The following EIF5 variants were observed in gnomAD, a reference collection of about 807,000 sequenced individuals.
EIF5 encodes the protein eukaryotic translation initiation factor 5.
In EIF5, 10 loss-of-function variants were observed where a neutral mutation model predicts 48.3. The ratio of observed to expected loss-of-function variants is 0.21; its 90% CI spans 0.13 to 0.35. The LOEUF (loss-of-function observed/expected upper bound fraction) is 0.35, where lower values mean the gene tolerates loss of function less well. EIF5 is among the 10% of genes least tolerant of loss of function. The probability of loss-of-function intolerance (pLI) is 1.00; values close to 1 mark genes in which losing one functional copy is unlikely to be tolerated. For missense variants in EIF5, 397 were observed against 533.2 expected (o/e 0.74, Z 2.51); for synonymous variants, 237 against 173.1 (o/e 1.37, Z -2.90).
chr14:103,338,946 CT>C (rs2089321178), intron 8 of EIF5, 53 bp downstream of exon 8: 1 of 1,586,786 alleles, frequency 6.3e-7, no homozygotes. Context: ...TTGTTTGTGC[CT>C]TTAGATATAT....
chr14:103,336,123 T>G lies in EIF5; in HGVS notation c.154+6T>G. On this transcript the variant is annotated splice_donor_region_variant and intron_variant, in intron 4 of 11. Transcript: ENST00000216554. The stretch of plus-strand genomic sequence containing the variant: ...GCTTAATCGGCCTCCAACGTGTAAG[T>G]AAAGCTTGGAAAAGTCCACAGGGCA... 1.9e-6 allele frequency: 3 copies of G among 1,613,756 alleles called. No individual in the cohort carries two copies. Among genetic ancestry groups the G allele is most frequent in the Non-Finnish European group, 2.5e-6 (3 of 1,179,772 alleles).
chr14:103,336,740 G>A lies in EIF5; in HGVS notation c.218G>A (p.Arg73His), dbSNP rs1163673595. Residue 73 changes from arginine to histidine, a missense_variant, in exon 5 of 12, where the codon CGT becomes CAT. Arg to His is a conservative substitution (Grantham distance 29, BLOSUM62 0). This residue lies in a region of EIF5 where 108 missense variants were observed against 188.3 expected (regional missense o/e 0.57). Transcript: ENST00000216554. ...ACCCAGTTTGATGTTAAGAATGACC[G>A]TTACATTGTCAATGGATCTCATGAG... ...AQTQFDVKNDRYIVNGSHEAN... is the reference protein window; with the variant it reads ...AQTQFDVKNDHYIVNGSHEAN... The A allele has an allele frequency of 2.5e-6, 4 of 1,614,078 alleles. No homozygotes were observed. Among genetic ancestry groups the A allele is most frequent in the Non-Finnish European group, 3.4e-6 (4 of 1,180,010 alleles).
At position 103,336,132 on chromosome 14, in the gene EIF5, GA is replaced by G; in HGVS notation, c.154+19del. On this transcript the variant is annotated intron_variant, in intron 4 of 11. Coordinates refer to ENST00000216554, the MANE Select transcript of EIF5 (RefSeq NM_001969.5). The stretch of plus-strand genomic sequence containing the variant: ...GCCTCCAACGTGTAAGTAAAGCTTG[GA>G]AAAGTCCACAGGGCATATTATGGAT... The G allele has an allele frequency of 1.2e-6, 2 of 1,613,244 alleles. No homozygotes were observed. Among genetic ancestry groups the G allele is most frequent in the Non-Finnish European group, 1.7e-6 (2 of 1,179,530 alleles).
rs1161579694 is a variant in EIF5, at chr14:103,340,991, C to T, written c.1235C>T (p.Pro412Leu). 11 of 1,613,922 alleles carry T rather than the reference C, an allele frequency of 6.8e-6. No individual in the cohort carries two copies. The highest frequency in any genetic ancestry group is 5.3e-5 in the African/African-American group (4 of 74,898). The change falls in exon 12 of 12, where the codon CCG becomes CTG. Residue 412 changes from proline to leucine, a missense_variant. This residue lies in a region of EIF5 where 160 missense variants were observed against 184.8 expected (regional missense o/e 0.87). Transcript: ENST00000216554. Reference sequence around the variant, plus strand: ...GTGTATTCGAAGGCTGCCAGTGTACCGAAAGTTGAGACTGTAAAGTCAGAC... The same window carrying T: ...GTGTATTCGAAGGCTGCCAGTGTACTGAAAGTTGAGACTGTAAAGTCAGAC... The part of the protein sequence containing the change: ...EVVYSKAASV[P>L]KVETVKSDNK...
At chr14:103,339,853 T>C in intron 10 of EIF5, 50 bp downstream of exon 10, 1 of 1,572,786 alleles carries the variant, frequency 6.4e-7, no homozygotes, top group Non-Finnish European at 8.6e-7. Flanking sequence ...TTGGGGGGTT[T>C]TTTTGTTTGG....
intron 10 of EIF5, 78 bp from the exon 11 acceptor site, chr14:103,340,349 C>T (rs1478547453): frequency 1.2e-5 from 18 of 1,495,528 alleles, no homozygotes; most frequent in South Asian, 1.1e-4. Flanking sequence ...GTCCCCTCAG[C>T]TCAGTAAGGG....
chr14:103,338,065 G>T, intron 6 of EIF5: 1 of 588,296 alleles, frequency 1.7e-6, no homozygotes, highest in Non-Finnish European at 3.1e-6. Flanking sequence ...CCTAGTGGAG[G>T]CATCATCACT....
rs529761503 is a variant in EIF5 at position 103,338,370 on chromosome 14, A to G, written c.483A>G (p.Lys161=). 67 of 1,614,150 alleles carry G rather than the reference A, an allele frequency of 4.2e-5. No individual in the cohort carries two copies. The East Asian group carries it at 1.1e-3, about 27-fold the overall frequency. ...SGTGKKEKEK[K]NRKGKDKENG... is the part of the protein sequence containing the mutation. ...CAGGAAAGAAAGAAAAAGAAAAGAA[A>G]AACAGAAAGGGCAAAGACAAGGAAA... is the stretch of plus-strand genomic sequence containing the variant. The change falls in exon 7 of 12, where the codon AAA becomes AAG. Residue 161 remains lysine (K), a synonymous_variant. Coordinates refer to ENST00000216554, the MANE Select transcript of EIF5 (RefSeq NM_001969.5).
Position 103,337,238 on chromosome 14 carries a change from CATG to C in EIF5, c.439+16_439+18del. On this transcript the variant is annotated intron_variant, in intron 6 of 11. Coordinates refer to ENST00000216554, the MANE Select transcript of EIF5 (RefSeq NM_001969.5). ...TCAAAAACCCACCTGGTGAGTCTTC[CATG>C]ATGAACTCCTAAGATCCTAAGATAA... 1 of 1,589,766 alleles carries C rather than the reference CATG, an allele frequency of 6.3e-7. No homozygotes were observed. Among genetic ancestry groups the C allele is most frequent in the African/African-American group, 1.3e-5 (1 of 74,086 alleles).
In EIF5 at chr14:103,341,289, A is replaced by G. The variant is rs892405295; in HGVS notation, c.*237A>G. ...TTTATAGCATGTTTCTTTTTGAAAA[A>G]CTAGTGGTGGACACATTTGGATCAC... On this transcript the variant is annotated 3_prime_UTR_variant, in exon 12 of 12. Transcript: ENST00000216554. 5.1e-5 allele frequency: 22 copies of G among 431,304 alleles called. No homozygotes were observed. In the South Asian group the frequency reaches 6.2e-4, roughly 12 times the overall value. The allele number at this position is 431,304 out of a possible 1,614,324, so 26.7% of individuals were successfully genotyped here.
intron 6 of EIF5, chr14:103,337,882 C>T (rs996790371): frequency 3.8e-6 from 2 of 521,116 alleles, no homozygotes; most frequent in African/African-American, 1.9e-5. Context: ...TCAAAACTGT[C>T]TGACACAATT....
intron 8 of EIF5, 72 bp downstream of exon 8, chr14:103,338,965 T>A (rs991008910): frequency 2.1e-5 from 32 of 1,554,994 alleles, no homozygotes; most frequent in Non-Finnish European, 2.8e-5. Flanking sequence ...TATGATACTT[T>A]AGCAGTGTAA....
chr14:103,343,466 CTAGTT>C lies in EIF5; in HGVS notation c.*2415_*2419del, dbSNP rs2089377130. On this transcript the variant is annotated 3_prime_UTR_variant, in exon 12 of 12. Coordinates refer to ENST00000216554, the MANE Select transcript of EIF5 (RefSeq NM_001969.5). ...TAACTGTGAATAATTGTATATATCT[CTAGTT>C]AAGAATGAGGGAATGGGGAGGTTTG... 1 of 152,130 alleles carries C rather than the reference CTAGTT, an allele frequency of 6.6e-6. No individual in the cohort carries two copies. Among genetic ancestry groups the C allele is most frequent in the Non-Finnish European group, 1.5e-5 (1 of 68,036 alleles). The allele number at this position is 152,130 out of a possible 1,614,324, so 9.4% of individuals were successfully genotyped here. A position where few individuals can be genotyped will look rare whatever the true frequency, so the allele number is the denominator to read the frequency against.
chr14:103,336,503 C>T (rs938782237), intron 4 of EIF5, 174 bp from the exon 5 acceptor site: 1 of 661,316 alleles, frequency 1.5e-6, no homozygotes, highest in Admixed American at 3.4e-5. Flanking sequence ...ATCGCTTGAA[C>T]CCCGGAAACG....
Position 103,337,587 on chromosome 14 carries a change from G to A in EIF5, c.439+360G>A, listed in dbSNP as rs937176927. 16 of 331,996 alleles carry A rather than the reference G, an allele frequency of 4.8e-5. No homozygotes were observed. The Admixed American group carries it at 7.0e-4, about 15-fold the overall frequency. The allele number at this position is 331,996 out of a possible 1,614,324, so 20.6% of individuals were successfully genotyped here. A position where few individuals can be genotyped will look rare whatever the true frequency, so the allele number is the denominator to read the frequency against. On this transcript the variant is annotated intron_variant, in intron 6 of 11. Coordinates refer to ENST00000216554, the MANE Select transcript of EIF5 (RefSeq NM_001969.5). ...ACTGCACTCCAGCTTGGGCAACAGC[G>A]ACTCTGTCTCAAAAAAACAATATAA...
intron 4 of EIF5, 62 bp downstream of exon 4, chr14:103,336,179 G>T (rs1390542243): frequency 8.6e-6 from 13 of 1,503,898 alleles, no homozygotes; most frequent in African/African-American, 1.4e-5. Flanking sequence ...AAGTCTTTGA[G>T]CTGCAAAACT....
intron 6 of EIF5, 79 bp downstream of exon 6, chr14:103,337,306 A>G (rs773447435): frequency 3.9e-6 from 5 of 1,271,554 alleles, no homozygotes; most frequent in Non-Finnish European, 5.5e-6. Flanking sequence ...GTTTTTTTGT[A>G]ATAGGAATGT....
chr14:103,342,336 T>C lies in EIF5; in HGVS notation c.*1284T>C, dbSNP rs1180033476. 6.6e-6 allele frequency: 1 copy of C among 152,216 alleles called. No homozygotes were observed. The highest frequency in any genetic ancestry group is 1.5e-5 in the Non-Finnish European group (1 of 68,034). The allele number at this position is 152,216 out of a possible 1,614,324, so 9.4% of individuals were successfully genotyped here. A position where few individuals can be genotyped will look rare whatever the true frequency, so the allele number is the denominator to read the frequency against. On this transcript the variant is annotated 3_prime_UTR_variant, in exon 12 of 12. Transcript: ENST00000216554. ...CAGAGCCCATGCAGGGCTTTAGATTTGGACACACAAGAGTTGATAACTTCC... is the reference window on the plus strand; with the variant it reads ...CAGAGCCCATGCAGGGCTTTAGATTCGGACACACAAGAGTTGATAACTTCC...
In EIF5 at chr14:103,336,161, A is replaced by G. The variant is rs1259725818; in HGVS notation, c.154+44A>G. On this transcript the variant is annotated intron_variant, in intron 4 of 11. Coordinates refer to ENST00000216554, the MANE Select transcript of EIF5 (RefSeq NM_001969.5). ...AGTCCACAGGGCATATTATGGATAGAGTCTTCAAAGTCTTTGAGCTGCAAA... is the reference window on the plus strand; with the variant it reads ...AGTCCACAGGGCATATTATGGATAGGGTCTTCAAAGTCTTTGAGCTGCAAA... The G allele has an allele frequency of 5.7e-6, 9 of 1,565,424 alleles. No individual in the cohort carries two copies. In the South Asian group the frequency reaches 9.2e-5, roughly 16 times the overall value.
Sources: allele counts gnomAD v4.1 joint callset, GRCh38; gene constraint gnomAD v4.1.1; regional missense constraint gnomAD v4.1.1; transcripts MANE v1.5; gene names NCBI Gene and HGNC (gene_info 2026-07-23, HGNC 2026-07-21).